PPARGC1A: variants seen among roughly 807,000 people sequenced by gnomAD.
The protein encoded by PPARGC1A is PPARG coactivator 1 alpha.
Under a neutral mutation model 88.7 loss-of-function variants are expected in PPARGC1A, and 25 were observed. The ratio of observed to expected loss-of-function variants is 0.28; its 90% CI spans 0.21 to 0.39. The LOEUF (loss-of-function observed/expected upper bound fraction) is 0.39, where lower values mean the gene tolerates loss of function less well. Ranked by LOEUF, PPARGC1A falls within the 10% of genes least tolerant of loss-of-function variation. PPARGC1A has a pLI of 1.00. For synonymous variants in PPARGC1A, 363 were observed against 355.6 expected (o/e 1.02, Z -0.24); for missense variants, 880 against 968.7 (o/e 0.91, Z 1.22).
chr4:23,804,659 C>T (rs1719439704), intron 10 of PPARGC1A, among the ~76,000 whole-genome samples: 1 of 152,178 alleles, frequency 6.6e-6, no homozygotes, highest in Non-Finnish European at 1.5e-5. Context: ...TCATCATGGG[C>T]TTTATCTCTT....
chr4:23,818,096 G>A (rs1416153073), intron 7 of PPARGC1A, among the ~76,000 whole-genome samples: 2 of 152,074 alleles, frequency 1.3e-5, no homozygotes, highest in South Asian at 2.1e-4. Flanking sequence ...CTGGACTCTC[G>A]ATTTCATGCC....
At chr4:23,924,790 C>G in the PPARGC1A span, among the ~76,000 whole-genome samples, 1 of 152,148 alleles carries the variant, frequency 6.6e-6, no homozygotes, top group Non-Finnish European at 1.5e-5. Flanking sequence ...CCAAAGTGTG[C>G]CAGGATGTGA....
the PPARGC1A span, among the ~76,000 whole-genome samples, chr4:23,950,645 C>A: frequency 6.6e-6 from 1 of 152,078 alleles, no homozygotes; most frequent in Non-Finnish European, 1.5e-5. Context: ...TAAGATCCCA[C>A]CTCAAGAGTG....
the PPARGC1A span, among the ~76,000 whole-genome samples, chr4:24,258,900 A>G: frequency 6.6e-6 from 1 of 152,224 alleles, no homozygotes; most frequent in Non-Finnish European, 1.5e-5. Context: ...AGTTCTTACT[A>G]TGTGTAAGTT....
At chr4:24,123,512 C>A in the PPARGC1A span, among the ~76,000 whole-genome samples, 1 of 152,026 alleles carries the variant, frequency 6.6e-6, no homozygotes, top group Non-Finnish European at 1.5e-5. Context: ...AGCATAGAGA[C>A]AAAGCCCCGA....
At chr4:23,901,582 G>A (rs74744676), upstream of PPARGC1A, among the ~76,000 whole-genome samples, 400 of 151,192 alleles carry the variant, frequency 2.6e-3, no homozygotes, top group African/African-American at 9.3e-3. Flanking sequence ...AAAGAAATAA[G>A]ACATCCATAT....
chr4:24,186,524 G>T, the PPARGC1A span, among the ~76,000 whole-genome samples: 2 of 152,142 alleles, frequency 1.3e-5, no homozygotes, highest in Non-Finnish European at 2.9e-5. Flanking sequence ...ACTGCCTAGA[G>T]CCTACCTACC....
chr4:24,030,780 T>C, the PPARGC1A span, among the ~76,000 whole-genome samples: 2 of 151,828 alleles, frequency 1.3e-5, no homozygotes, highest in African/African-American at 4.8e-5. Context: ...AGACACAGAG[T>C]AGACTGGAAT....
At chr4:23,968,191 C>G in the PPARGC1A span, among the ~76,000 whole-genome samples, 1 of 152,188 alleles carries the variant, frequency 6.6e-6, no homozygotes, top group South Asian at 2.1e-4. Flanking sequence ...CTTTCTAAGC[C>G]TCAGTCTCCA....
the PPARGC1A span, among the ~76,000 whole-genome samples, chr4:24,342,700 A>G: frequency 6.6e-6 from 1 of 152,308 alleles, no homozygotes; most frequent in South Asian, 2.1e-4. Flanking sequence ...TAAAAACAAA[A>G]CTACTTTCTT....
the PPARGC1A span, among the ~76,000 whole-genome samples, chr4:24,145,078 A>AGTGTGTGTGTGT: frequency 1.0e-3 from 146 of 144,314 alleles, 2 homozygotes; most frequent in East Asian, 7.7e-3. Context: ...GTGTTGAATG[A>AGTGTGTGTGTGT]GTGTGTGTGT....
chr4:24,459,455 T>C, the PPARGC1A span, among the ~76,000 whole-genome samples: 10 of 131,904 alleles, frequency 7.6e-5, no homozygotes, highest in Non-Finnish European at 9.6e-5. Context: ...GTGTAAATAA[T>C]GAAAAAAAAA....
At chr4:24,113,344 C>T in the PPARGC1A span, among the ~76,000 whole-genome samples, 6 of 151,650 alleles carry the variant, frequency 4.0e-5, no homozygotes, top group African/African-American at 1.4e-4. Context: ...TGGGAACAAC[C>T]TCCTTTATTT....
the PPARGC1A span, among the ~76,000 whole-genome samples, chr4:24,216,804 T>A: frequency 0.011 from 1,720 of 152,280 alleles, 37 homozygotes; most frequent in African/African-American, 0.039. Context: ...GATTTCCTGA[T>A]CAACCAAGAT....
chr4:24,314,348 G>A, the PPARGC1A span, among the ~76,000 whole-genome samples: 1 of 152,196 alleles, frequency 6.6e-6, no homozygotes, highest in Non-Finnish European at 1.5e-5. Context: ...TGAGGGTTCT[G>A]CCCTCATGAG....
the PPARGC1A span, among the ~76,000 whole-genome samples, chr4:23,938,007 T>G: frequency 6.6e-6 from 1 of 151,868 alleles, no homozygotes; most frequent in African/African-American, 2.4e-5. Flanking sequence ...GGCTTGGAGG[T>G]GGGTCCAAAA....
the PPARGC1A span, among the ~76,000 whole-genome samples, chr4:23,999,239 T>C: frequency 6.6e-6 from 1 of 152,224 alleles, no homozygotes; most frequent in Non-Finnish European, 1.5e-5. Flanking sequence ...TTGAACATAT[T>C]TGATATGAAA....
At chr4:24,270,133 C>G in the PPARGC1A span, among the ~76,000 whole-genome samples, 2,203 of 152,194 alleles carry the variant, frequency 0.014, 65 homozygotes, top group African/African-American at 0.05. Context: ...AATAGCTTCT[C>G]CTGCCTTCAG....
At chr4:23,979,754 A>T in the PPARGC1A span, among the ~76,000 whole-genome samples, 5 of 152,194 alleles carry the variant, frequency 3.3e-5, no homozygotes, top group African/African-American at 1.2e-4. Context: ...AACCATTTGG[A>T]TGGTTTTGCT....
Sources: allele counts gnomAD v4.1 joint callset (sites outside exome capture counted in the v4.1 genomes callset), GRCh38; gene constraint gnomAD v4.1.1; transcripts MANE v1.5; gene names NCBI Gene and HGNC (gene_info 2026-07-23, HGNC 2026-07-21).